Variants in MBOAT2 observed in about 807,000 individuals in gnomAD.
MBOAT2 encodes the protein membrane-bound glycerophospholipid O-acyltransferase 2.
A neutral mutation model predicts 63.4 loss-of-function variants in MBOAT2; 28 were observed. The ratio of observed to expected loss-of-function variants is 0.44; its 90% CI spans 0.33 to 0.61. The LOEUF is 0.61. MBOAT2 is among the 20% of genes least tolerant of loss of function. The pLI is 0.03. For synonymous variants in MBOAT2, 211 were observed against 215.6 expected, an observed-to-expected ratio of 0.98 and a Z score of 0.19; for missense variants, 470 against 605.8, an observed-to-expected ratio of 0.78 and a Z score of 2.35.
chr2:8,958,443 T>C, intron 2 of MBOAT2, 54 bp downstream of exon 2: 3 of 1,468,410 alleles, frequency 2.0e-6, no homozygotes, highest in African/African-American at 2.8e-5. Context: ...CACACTCAAT[T>C]CTCAAATACA....
At chr2:8,945,827 A>T (rs917849229) in intron 2 of MBOAT2, among the ~76,000 whole-genome samples, 1 of 149,734 alleles carries the variant, frequency 6.7e-6, no homozygotes, top group African/African-American at 2.5e-5. Context: ...TTATTTTTAG[A>T]AAAAAAAAAG....
In MBOAT2 at chr2:9,000,136, C is replaced by T. The variant is rs369033500; in HGVS notation, c.75+3404G>A. Among the ~76,000 whole-genome samples, 546 of 152,334 alleles carry T rather than the reference C, an allele frequency of 3.6e-3. 6 individuals carry two copies. The highest frequency in any genetic ancestry group is 6.3e-3 in the Non-Finnish European group (426 of 68,016). On this transcript the variant is annotated intron_variant, in intron 1 of 12. Transcript: ENST00000305997. ...TTTCTTACACTAAAGTCCTTTTCTT[C>T]CTCGGACATCAAACAACTGCTTTTA... is the stretch of plus-strand genomic sequence containing the variant.
intron 2 of MBOAT2, among the ~76,000 whole-genome samples, chr2:8,957,141 G>A (rs144317608): frequency 9.2e-4 from 140 of 152,248 alleles, no homozygotes; most frequent in African/African-American, 2.4e-3. Flanking sequence ...CAAGAATGGT[G>A]GAATTTTAAT....
At chr2:8,877,446 T>C (rs982853634) in intron 6 of MBOAT2, among the ~76,000 whole-genome samples, 1 of 152,212 alleles carries the variant, frequency 6.6e-6, no homozygotes, top group Non-Finnish European at 1.5e-5. Context: ...TCAACTTAGA[T>C]TTCTCACGAT....
At chr2:8,894,836 C>G (rs1004852875) in intron 4 of MBOAT2, among the ~76,000 whole-genome samples, 3 of 150,190 alleles carry the variant, frequency 2.0e-5, no homozygotes, top group African/African-American at 7.4e-5. Flanking sequence ...CAGACCTTCA[C>G]GGTGAGTGTT....
At chr2:8,964,691 C>T (rs1452971778) in intron 1 of MBOAT2, among the ~76,000 whole-genome samples, 1 of 152,168 alleles carries the variant, frequency 6.6e-6, no homozygotes, top group African/African-American at 2.4e-5. Flanking sequence ...TGCTAAATTG[C>T]TCTCCTAATT....
chr2:8,997,002 A>G (rs1282527988), intron 1 of MBOAT2, among the ~76,000 whole-genome samples: 1 of 152,166 alleles, frequency 6.6e-6, no homozygotes, highest in Admixed American at 6.5e-5. Flanking sequence ...TTGGGAAGCC[A>G]TGGTAGAAGA....
chr2:8,902,678 A>G (rs1407639544), intron 4 of MBOAT2, among the ~76,000 whole-genome samples: 1 of 152,018 alleles, frequency 6.6e-6, no homozygotes, highest in Non-Finnish European at 1.5e-5. Flanking sequence ...AAGGCAGTGC[A>G]TCTGGACTTG....
intron 3 of MBOAT2, among the ~76,000 whole-genome samples, chr2:8,937,255 C>A (rs186156651): frequency 2.0e-5 from 3 of 152,162 alleles, no homozygotes; most frequent in African/African-American, 7.2e-5. Context: ...GAGGCAGGGG[C>A]CATGGCTGGG....
In MBOAT2 at chr2:9,002,350, G is replaced by A. The variant is rs1471718776; in HGVS notation, c.75+1190C>T. On this transcript the variant is annotated intron_variant, in intron 1 of 12. Coordinates refer to ENST00000305997, the MANE Select transcript of MBOAT2 (RefSeq NM_138799.4). ...AGGCGATTTTATTTAAAACAGTAAA[G>A]CACAAAGCAGCTAGTATCCTAATGT... Among the ~76,000 whole-genome samples, 3 of 152,298 alleles carry A rather than the reference G, an allele frequency of 2.0e-5. No homozygotes were observed. In the East Asian group the frequency reaches 5.8e-4, roughly 29 times the overall value.
chr2:8,900,642 C>G (rs997015783), intron 4 of MBOAT2, among the ~76,000 whole-genome samples: 29 of 152,022 alleles, frequency 1.9e-4, no homozygotes, highest in African/African-American at 6.3e-4. Flanking sequence ...GGAGGATTAT[C>G]ATTAATAGAA....
rs774264719 is a variant in MBOAT2, at chr2:9,003,527, C to A, written c.75+13G>T. On this transcript the variant is annotated intron_variant, in intron 1 of 12. Coordinates refer to ENST00000305997, the MANE Select transcript of MBOAT2 (RefSeq NM_138799.4). The surrounding 1 kb of genome is among the most constrained non-coding windows in gnomAD (Gnocchi z 5.4). ...GAGGGCGCGACGCCCGGCGCCAGGGCGCCTCGGGGTACCTGGTCGATGGGC... is the reference window on the plus strand; with the variant it reads ...GAGGGCGCGACGCCCGGCGCCAGGGAGCCTCGGGGTACCTGGTCGATGGGC... 171 of 1,195,156 alleles carry A rather than the reference C, an allele frequency of 1.4e-4. No individual in the cohort carries two copies. The highest frequency in any genetic ancestry group is 1.7e-4 in the Non-Finnish European group (167 of 963,712). The allele number at this position is 1,195,156 out of a possible 1,614,324, so 74.0% of individuals were successfully genotyped here.
At chr2:8,999,392 G>A (rs1672530876) in intron 1 of MBOAT2, among the ~76,000 whole-genome samples, 1 of 152,212 alleles carries the variant, frequency 6.6e-6, no homozygotes, top group South Asian at 2.1e-4. Flanking sequence ...GAGGAAGAGG[G>A]AAAAGGCTGG....
At position 8,882,456 on chromosome 2, in the gene MBOAT2, G is replaced by A. The variant is rs923961037; in HGVS notation, c.506+55C>T. ...TCAGCCTCAGCCACAGAAGGAACGT[G>A]GGTCCTAGGCAGGGGCGCAGGAAGC... On this transcript the variant is annotated intron_variant, in intron 6 of 12. Coordinates refer to ENST00000305997, the MANE Select transcript of MBOAT2 (RefSeq NM_138799.4). 2.0e-5 allele frequency: 31 copies of A among 1,561,378 alleles called. No individual in the cohort carries two copies. The African/African-American group carries it at 4.2e-4, about 21-fold the overall frequency.
chr2:8,868,701 T>C, intron 8 of MBOAT2, 152 bp from the exon 9 acceptor site: 1 of 641,664 alleles, frequency 1.6e-6, no homozygotes, highest in Non-Finnish European at 2.6e-6. Context: ...TCGCATACAA[T>C]GAAAATAACA....
At chr2:8,961,073 G>T (rs895213914) in intron 1 of MBOAT2, among the ~76,000 whole-genome samples, 1 of 152,168 alleles carries the variant, frequency 6.6e-6, no homozygotes, top group Admixed American at 6.5e-5. Context: ...TTAAAACAAG[G>T]AAGTGATGAG....
At chr2:8,990,378 A>T (rs1671846854) in intron 1 of MBOAT2, among the ~76,000 whole-genome samples, 1 of 152,206 alleles carries the variant, frequency 6.6e-6, no homozygotes, top group Admixed American at 6.5e-5. Context: ...CTTTCAATAA[A>T]ATACAAAAAG....
Position 8,864,154 on chromosome 2 carries a change from T to G in MBOAT2, c.1052+16A>C. 1 of 1,558,562 alleles carries G rather than the reference T, an allele frequency of 6.4e-7. No individual in the cohort carries two copies. Among genetic ancestry groups the G allele is most frequent in the Non-Finnish European group, 8.7e-7 (1 of 1,155,658 alleles). ...ACGCCAAAGCACATCTAAAGATCGTTTTTGAAGGAACGCACCTTTTGAGCC... is the reference window on the plus strand; with the variant it reads ...ACGCCAAAGCACATCTAAAGATCGTGTTTGAAGGAACGCACCTTTTGAGCC... On this transcript the variant is annotated intron_variant, in intron 10 of 12. Transcript: ENST00000305997.
chr2:8,958,965 C>G (rs1339284992), intron 1 of MBOAT2, among the ~76,000 whole-genome samples: 3 of 152,134 alleles, frequency 2.0e-5, no homozygotes, highest in Admixed American at 6.5e-5. Context: ...GGGCACCTAT[C>G]GGTTAAAGGG....
Sources: gnomAD v4.1 joint callset for allele counts (sites outside exome capture counted in the v4.1 genomes callset) on GRCh38, gnomAD v4.1.1 for gene constraint, Gnocchi (gnomAD v3.1) non-coding constraint, MANE v1.5 for transcripts, NCBI Gene and HGNC (gene_info 2026-07-23, HGNC 2026-07-21) for gene names.